Variants in CDH9 observed in about 807,000 individuals in gnomAD.
The protein encoded by CDH9 is cadherin-9.
Under a neutral mutation model 70.9 loss-of-function variants are expected in CDH9, and 28 were observed. The ratio of observed to expected loss-of-function variants is 0.40; its 90% confidence interval spans 0.29 to 0.54. The LOEUF (loss-of-function observed/expected upper bound fraction) is 0.54, where lower values mean the gene tolerates loss of function less well. Ranked by LOEUF, CDH9 falls within the 20% of genes least tolerant of loss-of-function variation. The pLI is 0.59. For synonymous variants in CDH9, 409 were observed against 343.1 expected (o/e 1.19, Z -2.12); for missense variants, 874 against 984.4 (o/e 0.89, Z 1.50).
intron 2 of CDH9, among the ~76,000 whole-genome samples, chr5:26,940,614 A>G (rs991326990): frequency 2.0e-5 from 3 of 152,184 alleles, no homozygotes; most frequent in African/African-American, 4.8e-5. Flanking sequence ...ATAACACCCT[A>G]GTAGATATCC....
rs186641380 is a variant in CDH9, at chr5:26,902,949, T to C, written c.1000-220A>G. On this transcript the variant is annotated intron_variant, in intron 6 of 11. Coordinates refer to ENST00000231021, the MANE Select transcript of CDH9 (RefSeq NM_016279.4). ...TAATATAATGGCATACACATTGAGA[T>C]TGATTCTCACTTAGTAATATGCTTC... The C allele has an allele frequency of 1.1e-5, 5 of 436,046 alleles. No individual in the cohort carries two copies. In the Admixed American group the frequency reaches 1.2e-4, roughly 10 times the overall value. The allele number at this position is 436,046 out of a possible 1,614,324, so 27.0% of individuals were successfully genotyped here. A position where few individuals can be genotyped will look rare whatever the true frequency, so the allele number is the denominator to read the frequency against.
chr5:26,918,354 A>G (rs1263251908), intron 2 of CDH9, among the ~76,000 whole-genome samples: 1 of 152,178 alleles, frequency 6.6e-6, no homozygotes, highest in African/African-American at 2.4e-5. Flanking sequence ...CTTGACTTAC[A>G]TAGCACACTT....
Position 26,881,130 on chromosome 5 carries a change from A to G in CDH9, c.*6T>C, listed in dbSNP as rs1316379680. 1 of 1,589,986 alleles carries G rather than the reference A, an allele frequency of 6.3e-7. No individual in the cohort carries two copies. Among genetic ancestry groups the G allele is most frequent in the South Asian group, 1.1e-5 (1 of 86,992 alleles). On this transcript the variant is annotated 3_prime_UTR_variant, in exon 12 of 12. Transcript: ENST00000231021. ...CCACTAATATTGATTAAGTCAAACA[A>G]TCCTCTTAGTCTCGGTCACTATCAT...
At chr5:26,929,501 G>A (rs1741403321) in intron 2 of CDH9, among the ~76,000 whole-genome samples, 1 of 151,934 alleles carries the variant, frequency 6.6e-6, no homozygotes, top group Non-Finnish European at 1.5e-5. Flanking sequence ...ACATAGCCAA[G>A]ATAAAGGAAA....
intron 2 of CDH9, among the ~76,000 whole-genome samples, chr5:26,926,947 G>T (rs926118612): frequency 6.2e-4 from 77 of 124,040 alleles, no homozygotes; most frequent in African/African-American, 2.3e-3. Flanking sequence ...AAGAAACAAA[G>T]AAAGAAAATA....
At chr5:27,035,772 T>G (rs1373928127) in intron 1 of CDH9, among the ~76,000 whole-genome samples, 1 of 151,510 alleles carries the variant, frequency 6.6e-6, no homozygotes, top group Non-Finnish European at 1.5e-5. Flanking sequence ...TTGGACATTT[T>G]TTAAGATATC....
At position 26,881,135 on chromosome 5, in the gene CDH9, C is replaced by T. The variant is rs1431834174; in HGVS notation, c.*1G>A. 1.9e-6 allele frequency: 3 copies of T among 1,597,834 alleles called. No homozygotes were observed. Among genetic ancestry groups the T allele is most frequent in the African/African-American group, 1.3e-5 (1 of 74,480 alleles). On this transcript the variant is annotated 3_prime_UTR_variant, in exon 12 of 12. Transcript: ENST00000231021. The stretch of plus-strand genomic sequence containing the variant: ...AATATTGATTAAGTCAAACAATCCT[C>T]TTAGTCTCGGTCACTATCATCACCC...
In CDH9 at chr5:27,027,300, T is replaced by C. The variant is rs373683133; in HGVS notation, c.-50+11163A>G. The stretch of plus-strand genomic sequence containing the variant: ...TATGTCAACTTAAGGAACCTTATGA[T>C]GTGAATATTTACATTCAGACTTAGC... On this transcript the variant is annotated intron_variant, in intron 1 of 11. Coordinates refer to ENST00000231021, the MANE Select transcript of CDH9 (RefSeq NM_016279.4). 3.9e-5 allele frequency among the ~76,000 whole-genome samples: 6 copies of C among 152,150 alleles called. No individual in the cohort carries two copies. In the East Asian group the frequency reaches 1.2e-3, roughly 30 times the overall value.
At chr5:26,948,524 A>G (rs1173329204) in intron 2 of CDH9, among the ~76,000 whole-genome samples, 2 of 152,230 alleles carry the variant, frequency 1.3e-5, no homozygotes. Flanking sequence ...AACATGTGGC[A>G]CTACCACTAG....
chr5:26,901,845 A>T (rs1316406694), intron 7 of CDH9, among the ~76,000 whole-genome samples: 1 of 151,878 alleles, frequency 6.6e-6, no homozygotes, highest in Admixed American at 6.6e-5. Context: ...GATATGCTAT[A>T]CAAATTAATA....
chr5:26,896,837 A>G (rs1579668674), intron 7 of CDH9, among the ~76,000 whole-genome samples: 1 of 152,058 alleles, frequency 6.6e-6, no homozygotes, highest in Non-Finnish European at 1.5e-5. Flanking sequence ...GCTGAAGGAG[A>G]TAGAGACACA....
At chr5:26,922,130 C>T (rs1741255826) in intron 2 of CDH9, among the ~76,000 whole-genome samples, 1 of 150,610 alleles carries the variant, frequency 6.6e-6, no homozygotes, top group African/African-American at 2.4e-5. Context: ...AGTTATTGGC[C>T]TTAAAGAGGA....
At chr5:26,918,321 A>G (rs1741182427) in intron 2 of CDH9, among the ~76,000 whole-genome samples, 1 of 152,144 alleles carries the variant, frequency 6.6e-6, no homozygotes, top group Non-Finnish European at 1.5e-5. Flanking sequence ...CTGACTCACT[A>G]GATTAGGATG....
chr5:27,011,560 G>A (rs1467464298), intron 1 of CDH9, among the ~76,000 whole-genome samples: 1 of 151,998 alleles, frequency 6.6e-6, no homozygotes, highest in South Asian at 2.1e-4. Context: ...CCAGAACTGA[G>A]AGAGAACACA....
intron 2 of CDH9, among the ~76,000 whole-genome samples, chr5:26,986,961 G>T (rs2112090298): frequency 6.6e-6 from 1 of 152,128 alleles, no homozygotes; most frequent in East Asian, 1.9e-4. Context: ...TTCTGATAAA[G>T]GAGGCTGCTT....
chr5:26,998,448 A>C (rs1742704959), intron 1 of CDH9, among the ~76,000 whole-genome samples: 1 of 152,140 alleles, frequency 6.6e-6, no homozygotes, highest in Non-Finnish European at 1.5e-5. Flanking sequence ...TGAAGCTGGA[A>C]GCCATCATTC....
chr5:26,885,049 G>A (rs927837334), intron 11 of CDH9, among the ~76,000 whole-genome samples: 3 of 152,154 alleles, frequency 2.0e-5, no homozygotes, highest in Non-Finnish European at 4.4e-5. Context: ...CTAACTTACT[G>A]TGACAACTTT....
chr5:27,013,947 C>T (rs951930910), intron 1 of CDH9, among the ~76,000 whole-genome samples: 12 of 152,032 alleles, frequency 7.9e-5, no homozygotes, highest in African/African-American at 2.9e-4. Context: ...CAGAAATAAG[C>T]TTTGAGAACT....
chr5:26,974,837 T>A (rs1742278629), intron 2 of CDH9, among the ~76,000 whole-genome samples: 1 of 152,052 alleles, frequency 6.6e-6, no homozygotes, highest in African/African-American at 2.4e-5. Flanking sequence ...TGTGTGCGTG[T>A]GTGTTGAGAA....
Sources: gnomAD v4.1 joint callset for allele counts (sites outside exome capture counted in the v4.1 genomes callset) on GRCh38, gnomAD v4.1.1 for gene constraint, MANE v1.5 for transcripts, NCBI Gene and HGNC (gene_info 2026-07-23, HGNC 2026-07-21) for gene names.